The following GFOD1 variants were observed in gnomAD, a reference collection of about 807,000 sequenced individuals.
The protein encoded by GFOD1 is glucose-fructose oxidoreductase domain-containing protein 1.
A neutral mutation model predicts 25.4 loss-of-function variants in GFOD1; 9 were observed. The ratio of observed to expected loss-of-function variants is 0.35; its 90% CI spans 0.21 to 0.62. The LOEUF is 0.62. Among genes scored for constraint, GFOD1 ranks in the 20% least tolerant of loss-of-function variants. The pLI is 0.72. For missense variants in GFOD1, 403 were observed against 556.9 expected, an observed-to-expected ratio of 0.72 and a Z score of 2.78; for synonymous variants, 253 against 245.6, an observed-to-expected ratio of 1.03 and a Z score of -0.28.
intron 1 of GFOD1, among the ~76,000 whole-genome samples, chr6:13,415,150 G>A (rs11758233): frequency 0.17 from 25,684 of 152,112 alleles, 2,766 homozygotes; most frequent in East Asian, 0.34. Context: ...CTCGTGCCCT[G>A]TCTGGGGAGG....
At chr6:13,442,822 T>C (rs912560666) in intron 1 of GFOD1, among the ~76,000 whole-genome samples, 1 of 152,232 alleles carries the variant, frequency 6.6e-6, no homozygotes, top group African/African-American at 2.4e-5. Context: ...AGAGCTTTCA[T>C]GGAGATGTCC....
chr6:13,381,910 C>CGT (rs1785369458), intron 1 of GFOD1, among the ~76,000 whole-genome samples: 1 of 91,316 alleles, frequency 1.1e-5, no homozygotes. Context: ...CACACACGCG[C>CGT]GCGCGCACAC....
chr6:13,435,578 G>A lies in GFOD1; in HGVS notation c.253+51060C>T, dbSNP rs1476133495. On this transcript the variant is annotated intron_variant, in intron 1 of 1. Transcript: ENST00000379287. The stretch of plus-strand genomic sequence containing the variant: ...GTAAGACCCGCAGTACATCCAAGCA[G>A]GTTGTTGCATTGTTGAGAAACTTCT... 2.6e-5 allele frequency among the ~76,000 whole-genome samples: 4 copies of A among 152,342 alleles called. No homozygotes were observed. The South Asian group carries it at 6.2e-4, about 24-fold the overall frequency.
intron 1 of GFOD1, among the ~76,000 whole-genome samples, chr6:13,387,392 A>G (rs1197324980): frequency 6.6e-6 from 1 of 152,230 alleles, no homozygotes; most frequent in African/African-American, 2.4e-5. Context: ...AACCGAATCC[A>G]GCAGCACATC....
intron 1 of GFOD1, among the ~76,000 whole-genome samples, chr6:13,385,368 G>A (rs1351643880): frequency 6.6e-6 from 1 of 152,214 alleles, no homozygotes; most frequent in Non-Finnish European, 1.5e-5. Context: ...TGGGAACCAT[G>A]TGACATACTT....
At chr6:13,453,685 C>A (rs939489248) in intron 1 of GFOD1, among the ~76,000 whole-genome samples, 2 of 152,166 alleles carry the variant, frequency 1.3e-5, no homozygotes, top group Admixed American at 1.3e-4. Context: ...CTACAATATG[C>A]GAAGTATTCT....
rs1424545527 is a variant in GFOD1, at chr6:13,360,681, T to C, written c.*4062A>G. 16 of 456,296 alleles carry C rather than the reference T, an allele frequency of 3.5e-5. No individual in the cohort carries two copies. The highest frequency in any genetic ancestry group is 1.8e-5 in the Non-Finnish European group (4 of 226,676). The allele number at this position is 456,296 out of a possible 1,614,324, so 28.3% of individuals were successfully genotyped here. A position where few individuals can be genotyped will look rare whatever the true frequency, so the allele number is the denominator to read the frequency against. ...TGGGAAGAAACACTGGCTACTTCTA[T>C]GTGCAGCTCTACAGCCTCCTGGCAG... On this transcript the variant is annotated 3_prime_UTR_variant, in exon 2 of 2. Transcript: ENST00000379287.
chr6:13,396,734 G>C (rs897732718), intron 1 of GFOD1, among the ~76,000 whole-genome samples: 1 of 152,168 alleles, frequency 6.6e-6, no homozygotes, highest in East Asian at 1.9e-4. Context: ...TTGAGAAAGG[G>C]GTCATGAGCC....
At chr6:13,368,762 T>C (rs1345394442) in intron 1 of GFOD1, among the ~76,000 whole-genome samples, 2 of 152,038 alleles carry the variant, frequency 1.3e-5, no homozygotes, top group Non-Finnish European at 2.9e-5. Context: ...AGAAAAATGA[T>C]CCACACCCCT....
At chr6:13,414,116 C>G (rs1253051425) in intron 1 of GFOD1, among the ~76,000 whole-genome samples, 2 of 152,232 alleles carry the variant, frequency 1.3e-5, no homozygotes, top group Non-Finnish European at 2.9e-5. Context: ...GCCTCTTCAG[C>G]AGAGACTATC....
At chr6:13,383,699 C>T (rs1273345891) in intron 1 of GFOD1, among the ~76,000 whole-genome samples, 2 of 152,192 alleles carry the variant, frequency 1.3e-5, no homozygotes, top group Non-Finnish European at 1.5e-5. Flanking sequence ...AAAACCCAAC[C>T]CTATGTAAAC....
At chr6:13,381,292 T>C (rs898340713) in intron 1 of GFOD1, among the ~76,000 whole-genome samples, 1 of 152,242 alleles carries the variant, frequency 6.6e-6, no homozygotes, top group Non-Finnish European at 1.5e-5. Context: ...TCATTCAAAA[T>C]CTGAAAAGCT....
At position 13,385,039 on chromosome 6, in the gene GFOD1, G is replaced by C. The variant is rs116237421; in HGVS notation, c.254-19377C>G. The stretch of plus-strand genomic sequence containing the variant: ...GGGAGGATTAGCTGGTGGCAGCAGA[G>C]TTCAAGTTCCAGCCCCCTGGGGTAT... On this transcript the variant is annotated intron_variant, in intron 1 of 1. Transcript: ENST00000379287. Among the ~76,000 whole-genome samples the C allele has an allele frequency of 3.6e-3, 546 of 152,266 alleles. 3 individuals are homozygous for C. The highest frequency in any genetic ancestry group is 0.013 in the African/African-American group (530 of 41,530).
intron 1 of GFOD1, among the ~76,000 whole-genome samples, chr6:13,414,430 A>C (rs1786130595): frequency 6.6e-6 from 1 of 152,246 alleles, no homozygotes; most frequent in African/African-American, 2.4e-5. Context: ...TAAGAGGCTG[A>C]GAAGCTGAGC....
chr6:13,469,973 C>G (rs1051406878), intron 1 of GFOD1: 5 of 1,309,112 alleles, frequency 3.8e-6, no homozygotes, highest in Non-Finnish European at 5.0e-6. Context: ...ATGATGAGTT[C>G]TCTCAGAGCA....
intron 1 of GFOD1, among the ~76,000 whole-genome samples, chr6:13,449,168 A>G (rs557974416): frequency 6.6e-6 from 1 of 152,136 alleles, no homozygotes; most frequent in Non-Finnish European, 1.5e-5. Flanking sequence ...GCACATGCCT[A>G]CAGTCCCAGC....
intron 1 of GFOD1, among the ~76,000 whole-genome samples, chr6:13,415,714 C>T (rs761144185): frequency 2.7e-4 from 41 of 152,130 alleles, no homozygotes; most frequent in African/African-American, 4.1e-4. Flanking sequence ...CAGATGGATA[C>T]GTAGAAATGG....
intron 1 of GFOD1, among the ~76,000 whole-genome samples, chr6:13,461,794 G>A (rs926882094): frequency 1.3e-5 from 2 of 152,198 alleles, no homozygotes; most frequent in East Asian, 1.9e-4. Flanking sequence ...GAAAACACAC[G>A]AGCCAGGCTC....
rs1211670233 is a variant in GFOD1, at chr6:13,448,980, CAAG to C, written c.253+37655_253+37657del. On this transcript the variant is annotated intron_variant, in intron 1 of 1. Transcript: ENST00000379287. ...CCACCTGGGCAATCCAGGGCAACTG[CAAG>C]AAGAAGAAAGGGCTACTCAAAAAAA... 1.3e-4 allele frequency among the ~76,000 whole-genome samples: 20 copies of C among 152,278 alleles called. 1 individual carries two copies. The highest frequency in any genetic ancestry group is 2.4e-4 in the Non-Finnish European group (16 of 68,032).
Sources: gnomAD v4.1 joint callset for allele counts (sites outside exome capture counted in the v4.1 genomes callset) on GRCh38, gnomAD v4.1.1 for gene constraint, MANE v1.5 for transcripts, NCBI Gene and HGNC (gene_info 2026-07-23, HGNC 2026-07-21) for gene names.